PI4KB: variants seen among roughly 807,000 people sequenced by gnomAD.
PI4KB encodes the protein PtdIns 4-kinase beta.
In PI4KB, 23 loss-of-function variants were observed where a neutral mutation model predicts 81.4. The ratio of observed to expected loss-of-function variants is 0.28; its 90% CI spans 0.20 to 0.40. The LOEUF (loss-of-function observed/expected upper bound fraction) is 0.40. Among genes scored for constraint, PI4KB ranks in the 10% least tolerant of loss-of-function variants. PI4KB has a pLI of 1.00. For missense variants in PI4KB, 651 were observed against 1,036.6 expected (o/e 0.63, Z 5.11); for synonymous variants, 381 against 406.8 (o/e 0.94, Z 0.76).
At chr1:151,315,004 A>C (rs1248508354) in intron 2 of PI4KB, among the ~76,000 whole-genome samples, 2 of 152,110 alleles carry the variant, frequency 1.3e-5, no homozygotes, top group Admixed American at 6.6e-5. Context: ...TTAGAGACGG[A>C]GTCTCACTCT....
At chr1:151,306,007 A>C in intron 5 of PI4KB, 129 bp downstream of exon 5, 1 of 661,670 alleles carries the variant, frequency 1.5e-6, no homozygotes. Context: ...ATTACCCCTC[A>C]CTACCTACAC....
intron 2 of PI4KB, among the ~76,000 whole-genome samples, chr1:151,311,108 C>T (rs1334497820): frequency 1.3e-5 from 2 of 152,096 alleles, no homozygotes; most frequent in South Asian, 2.1e-4. Flanking sequence ...CATATGTGTC[C>T]GTGTGCAAAA....
chr1:151,306,802 C>T (rs745359555), intron 4 of PI4KB, among the ~76,000 whole-genome samples: 1 of 152,172 alleles, frequency 6.6e-6, no homozygotes, highest in East Asian at 1.9e-4. Flanking sequence ...ATGGGCCGGG[C>T]GCGGTGGCTC....
chr1:151,303,682 T>C, intron 5 of PI4KB, 32 bp from the exon 6 acceptor site: 2 of 1,394,388 alleles, frequency 1.4e-6, no homozygotes, highest in East Asian at 2.3e-5. Context: ...TCAGAAGTGC[T>C]AAAGTATAGG....
At chr1:151,326,373 C>G in intron 1 of PI4KB, 1 of 579,696 alleles carries the variant, frequency 1.7e-6, no homozygotes, top group South Asian at 2.2e-5. Context: ...TTTAGTTGAT[C>G]CTGAAATAAG....
intron 1 of PI4KB, among the ~76,000 whole-genome samples, chr1:151,320,331 C>T (rs1648666506): frequency 6.6e-6 from 1 of 152,192 alleles, no homozygotes; most frequent in African/African-American, 2.4e-5. Flanking sequence ...CCGCGCCCGG[C>T]CCCAGGTTAC....
At chr1:151,301,797 G>A in intron 8 of PI4KB, 47 bp downstream of exon 8, 1 of 1,578,306 alleles carries the variant, frequency 6.3e-7, no homozygotes, top group African/African-American at 1.3e-5. Context: ...CTCCCAGAGT[G>A]CTGGGATTAC....
chr1:151,316,165 GCCC>G lies in PI4KB; in HGVS notation c.314_316del (p.Gly105del), dbSNP rs1281506378. The G allele has an allele frequency of 6.2e-7, 1 of 1,613,878 alleles. No homozygotes were observed. Among genetic ancestry groups the G allele is most frequent in the Non-Finnish European group, 8.5e-7 (1 of 1,179,864 alleles). ...TTTGGCTGTGCCTGAGGCCACAGCG[GCCC>G]CCATCTCATCTTCCTCCTCCCTGAT... On this transcript the variant is annotated inframe_deletion, in exon 2 of 12. Coordinates refer to ENST00000368873, the MANE Select transcript of PI4KB (RefSeq NM_001369623.2).
chr1:151,315,357 C>T (rs587678738), intron 2 of PI4KB, among the ~76,000 whole-genome samples: 1 of 152,316 alleles, frequency 6.6e-6, no homozygotes, highest in African/African-American at 2.4e-5. Context: ...AGGCAACTCA[C>T]TTTATCTCTC....
intron 8 of PI4KB, 35 bp from the exon 9 acceptor site, chr1:151,299,108 C>A: frequency 6.3e-7 from 1 of 1,594,760 alleles, no homozygotes; most frequent in Non-Finnish European, 8.6e-7. Flanking sequence ...GGACTCTTAT[C>A]TTTCTCCAAA....
chr1:151,322,221 A>G (rs538223848), intron 1 of PI4KB, among the ~76,000 whole-genome samples: 25 of 152,280 alleles, frequency 1.6e-4, no homozygotes, highest in African/African-American at 5.3e-4. Flanking sequence ...ACAGCTCCCA[A>G]CTGGGCAAAG....
chr1:151,304,012 G>A (rs1695520693), intron 5 of PI4KB, among the ~76,000 whole-genome samples: 1 of 152,144 alleles, frequency 6.6e-6, no homozygotes, highest in African/African-American at 2.4e-5. Flanking sequence ...GCCTCACTGA[G>A]AGTCCCCCAA....
At chr1:151,304,305 G>C (rs1456635774) in intron 5 of PI4KB, among the ~76,000 whole-genome samples, 1 of 150,254 alleles carries the variant, frequency 6.7e-6, no homozygotes, top group Non-Finnish European at 1.5e-5. Flanking sequence ...CTCAAAGACA[G>C]AGATTCTGCC....
At chr1:151,299,972 A>C (rs1695121747) in intron 8 of PI4KB, among the ~76,000 whole-genome samples, 1 of 152,202 alleles carries the variant, frequency 6.6e-6, no homozygotes, top group Non-Finnish European at 1.5e-5. Context: ...AGAGGCATTA[A>C]GTTTGAATAA....
chr1:151,312,371 A>G (rs2101979382), intron 2 of PI4KB, among the ~76,000 whole-genome samples: 1 of 152,336 alleles, frequency 6.6e-6, no homozygotes, highest in South Asian at 2.1e-4. Context: ...GGGTCTACCT[A>G]GAGATTCTCC....
intron 9 of PI4KB, among the ~76,000 whole-genome samples, chr1:151,297,680 G>A (rs587689666): frequency 1.3e-5 from 2 of 152,098 alleles, no homozygotes; most frequent in South Asian, 4.1e-4. Context: ...GGGATTAGGC[G>A]CCTGCCACCA....
At chr1:151,304,209 T>TC (rs1466234225) in intron 5 of PI4KB, among the ~76,000 whole-genome samples, 9 of 152,202 alleles carry the variant, frequency 5.9e-5, no homozygotes, top group Non-Finnish European at 1.2e-4. Context: ...TCTTCTCAAC[T>TC]CCATTTGTCA....
intron 6 of PI4KB, among the ~76,000 whole-genome samples, chr1:151,302,874 C>T (rs1695413116): frequency 6.6e-6 from 1 of 150,904 alleles, no homozygotes. Context: ...TGAGCCACCG[C>T]ACCCAGCCTA....
chr1:151,294,270 C>T lies in PI4KB; in HGVS notation c.2149-132G>A, dbSNP rs1694605266. The T allele has an allele frequency of 2.1e-6, 3 of 1,448,554 alleles. No individual in the cohort carries two copies. The South Asian group carries it at 3.9e-5, about 19-fold the overall frequency. 89.7% of individuals were successfully genotyped at this position (1,448,554 alleles called of 1,614,324 possible). ...TCCCCCTTCCTTATTGGGCAGGAAGCTCCCAGGAACTCCTGCCTCACCCCT... is the reference window on the plus strand; with the variant it reads ...TCCCCCTTCCTTATTGGGCAGGAAGTTCCCAGGAACTCCTGCCTCACCCCT... On this transcript the variant is annotated intron_variant, in intron 10 of 11. Transcript: ENST00000368873.
Sources: gnomAD v4.1 joint callset for allele counts (sites outside exome capture counted in the v4.1 genomes callset) on GRCh38, gnomAD v4.1.1 for gene constraint, MANE v1.5 for transcripts, NCBI Gene and HGNC (gene_info 2026-07-23, HGNC 2026-07-21) for gene names.